Variants in VCL observed in about 807,000 individuals in gnomAD.
The protein encoded by VCL is vinculin, also known as epididymis luminal protein 114.
In VCL, 47 loss-of-function variants were observed where a neutral mutation model predicts 125.7. That is an observed-to-expected ratio of 0.37 (90% confidence interval 0.30 to 0.48). The LOEUF is 0.48. Among genes scored for constraint, VCL ranks in the 20% least tolerant of loss-of-function variants. VCL has a pLI of 0.99. For missense variants in VCL, 1,069 were observed against 1,455.5 expected (o/e 0.73, Z 4.32); for synonymous variants, 458 against 514.6 (o/e 0.89, Z 1.49).
In VCL at chr10:74,097,176, A is replaced by G; in HGVS notation, c.1744-28A>G. 1 of 1,611,666 alleles carries G rather than the reference A, an allele frequency of 6.2e-7. No homozygotes were observed. The highest frequency in any genetic ancestry group is 8.5e-7 in the Non-Finnish European group (1 of 1,178,954). On this transcript the variant is annotated intron_variant, in intron 12 of 21. Transcript: ENST00000211998. This position sits in a 1 kb window ranked among gnomAD's most constrained non-coding sequence, Gnocchi z 4.1. The stretch of plus-strand genomic sequence containing the variant: ...ATATGCTTTGAGGATGTATCTGGAC[A>G]TTTTCATATGTAAACAATGTTTTTA...
At chr10:74,018,264 C>T (rs549694282) in intron 1 of VCL, among the ~76,000 whole-genome samples, 105 of 144,840 alleles carry the variant, frequency 7.2e-4, no homozygotes, top group African/African-American at 2.5e-3. Flanking sequence ...TACCATGTTG[C>T]TCAGGCTGGT....
chr10:74,092,264 A>G (rs16931166), intron 10 of VCL, among the ~76,000 whole-genome samples: 7,879 of 152,222 alleles, frequency 0.052, 695 homozygotes, highest in African/African-American at 0.18. Context: ...TTACCTTTCT[A>G]TGGCTGAGAG....
intron 8 of VCL, among the ~76,000 whole-genome samples, chr10:74,086,716 T>C (rs1447691994): frequency 6.6e-6 from 1 of 152,222 alleles, no homozygotes; most frequent in Non-Finnish European, 1.5e-5. Context: ...GAGAAAAGGC[T>C]AGAACAGTGA....
chr10:74,105,664 C>T (rs530307895), intron 16 of VCL, among the ~76,000 whole-genome samples: 1 of 152,266 alleles, frequency 6.6e-6, no homozygotes, highest in East Asian at 1.9e-4. Context: ...TCTAGCGATT[C>T]TCCTACCTCA....
At chr10:74,087,431 T>C (rs1417582115) in intron 8 of VCL, among the ~76,000 whole-genome samples, 1 of 147,950 alleles carries the variant, frequency 6.8e-6, no homozygotes, top group Non-Finnish European at 1.5e-5. Flanking sequence ...CTGCAAGCTC[T>C]GCCTCCCGGG....
chr10:74,033,923 C>T (rs753610734), intron 1 of VCL, among the ~76,000 whole-genome samples: 1 of 152,126 alleles, frequency 6.6e-6, no homozygotes, highest in Non-Finnish European at 1.5e-5. Context: ...CTTTTTTACA[C>T]CTGCCCTCTC....
In VCL at chr10:74,119,523, T is replaced by C. The variant is rs976409001; in HGVS notation, c.*1354T>C. ...ATTTCTTATCACCACAGTAAGTTCC[T>C]ACTAGGCAAAATGAGAGGGCAGTGT... On this transcript the variant is annotated 3_prime_UTR_variant, in exon 22 of 22. Transcript: ENST00000211998. 1.3e-5 allele frequency: 2 copies of C among 152,252 alleles called. No individual in the cohort carries two copies. Among genetic ancestry groups the C allele is most frequent in the Non-Finnish European group, 2.9e-5 (2 of 68,052 alleles). The allele number at this position is 152,252 out of a possible 1,614,324, so 9.4% of individuals were successfully genotyped here.
chr10:74,089,954 T>C (rs1184428712), intron 9 of VCL, 69 bp from the exon 10 acceptor site: 6 of 1,582,634 alleles, frequency 3.8e-6, no homozygotes, highest in Admixed American at 1.7e-5. Context: ...TCTTCTGGCC[T>C]TGTTAAGTTT....
At chr10:74,056,094 T>C (rs934489279) in intron 2 of VCL, among the ~76,000 whole-genome samples, 2 of 152,038 alleles carry the variant, frequency 1.3e-5, no homozygotes, top group Non-Finnish European at 2.9e-5. Flanking sequence ...AGTCCTGTTT[T>C]ATTTGAAGTC....
At chr10:74,081,274 C>G (rs1417368681) in intron 6 of VCL, among the ~76,000 whole-genome samples, 7 of 152,258 alleles carry the variant, frequency 4.6e-5, no homozygotes, top group Middle Eastern at 3.4e-3. Flanking sequence ...AGAGATCTGT[C>G]TTTTGAATAG....
intron 2 of VCL, among the ~76,000 whole-genome samples, chr10:74,063,265 C>T (rs1197028314): frequency 6.6e-6 from 1 of 152,138 alleles, no homozygotes; most frequent in Non-Finnish European, 1.5e-5. Flanking sequence ...TTCTTGTATA[C>T]CTGATAATTT....
intron 1 of VCL, among the ~76,000 whole-genome samples, chr10:74,022,719 C>T (rs1416928169): frequency 6.6e-6 from 1 of 151,448 alleles, no homozygotes; most frequent in Non-Finnish European, 1.5e-5. Flanking sequence ...TCACTGCAAC[C>T]TCCGCCTTCC....
intron 2 of VCL, among the ~76,000 whole-genome samples, chr10:74,057,887 C>T (rs185497190): frequency 3.3e-4 from 51 of 152,308 alleles, no homozygotes; most frequent in African/African-American, 4.1e-4. Context: ...GAGCCGTGAT[C>T]GTGCCACTGC....
At chr10:74,106,197 C>T (rs947228260) in intron 16 of VCL, among the ~76,000 whole-genome samples, 34 of 152,304 alleles carry the variant, frequency 2.2e-4, no homozygotes, top group Middle Eastern at 3.4e-3. Context: ...GCTGGGATTA[C>T]AGGCATCCAG....
rs556904824 is a variant in VCL at position 74,021,334 on chromosome 10, A to G, written c.169-21749A>G. Among the ~76,000 whole-genome samples the G allele has an allele frequency of 3.9e-5, 6 of 152,050 alleles. No individual in the cohort carries two copies. The South Asian group carries it at 1.2e-3, about 32-fold the overall frequency. ...CAGCTTCCAAATTTGAGTCCGTAGA[A>G]TGAGAGTAGTTACAGACTTCAATGT... On this transcript the variant is annotated intron_variant, in intron 1 of 21. Transcript: ENST00000211998.
At chr10:74,091,177 A>G (rs1839878067) in intron 10 of VCL, among the ~76,000 whole-genome samples, 1 of 152,332 alleles carries the variant, frequency 6.6e-6, no homozygotes, top group South Asian at 2.1e-4. Flanking sequence ...ACACTAAGGA[A>G]GGGTTTAATG....
intron 2 of VCL, among the ~76,000 whole-genome samples, chr10:74,063,428 ACT>A (rs939797860): frequency 1.6e-4 from 25 of 151,958 alleles, no homozygotes; most frequent in South Asian, 4.2e-4. Flanking sequence ...TCTAGAAAAG[ACT>A]CTGTTTCTTC....
At chr10:74,022,980 A>G (rs1040217717) in intron 1 of VCL, among the ~76,000 whole-genome samples, 101 of 152,254 alleles carry the variant, frequency 6.6e-4, no homozygotes, top group Non-Finnish European at 2.1e-4. Flanking sequence ...CTGCTGTTAT[A>G]TATCTCCCAC....
At chr10:74,004,808 G>A (rs2091063) in intron 1 of VCL, among the ~76,000 whole-genome samples, 9 of 151,784 alleles carry the variant, frequency 5.9e-5, no homozygotes, top group Non-Finnish European at 1.5e-5. Flanking sequence ...GGGTTCAAGC[G>A]ATTCTCCTGC....
Sources: allele counts gnomAD v4.1 joint callset (sites outside exome capture counted in the v4.1 genomes callset), GRCh38; gene constraint gnomAD v4.1.1; non-coding constraint Gnocchi (gnomAD v3.1); transcripts MANE v1.5; gene names NCBI Gene and HGNC (gene_info 2026-07-23, HGNC 2026-07-21).